The following GPAM variants were observed in gnomAD, a reference collection of about 807,000 sequenced individuals.
The protein encoded by GPAM is glycerol-3-phosphate acyltransferase 1, mitochondrial.
In GPAM, 56 loss-of-function variants were observed where a neutral mutation model predicts 105.0. The observed-to-expected ratio is 0.53, with a 90% confidence interval of 0.43 to 0.67. The LOEUF (loss-of-function observed/expected upper bound fraction) is 0.67, where lower values mean the gene tolerates loss of function less well. Among genes scored for constraint, GPAM ranks in the 30% least tolerant of loss-of-function variants. The pLI is 0.00. For synonymous variants in GPAM, 368 were observed against 354.4 expected (o/e 1.04, Z -0.43); for missense variants, 855 against 989.8 (o/e 0.86, Z 1.83).
At chr10:112,186,918 A>G (rs10749113), upstream of GPAM, among the ~76,000 whole-genome samples, 84,198 of 152,040 alleles carry the variant, frequency 0.55, 23,562 homozygotes, top group South Asian at 0.63. Flanking sequence ...GGTTTATAAC[A>G]TGTACAAATA....
At position 112,150,186 on chromosome 10, in the gene GPAM, TA is replaced by T; in HGVS notation, c.*3363del. 3.0e-6 allele frequency: 3 copies of T among 985,238 alleles called. No homozygotes were observed. Among genetic ancestry groups the T allele is most frequent in the Non-Finnish European group, 3.6e-6 (3 of 829,734 alleles). 61.0% of individuals were successfully genotyped at this position (985,238 alleles called of 1,614,324 possible). A position where few individuals can be genotyped will look rare whatever the true frequency, so the allele number is the denominator to read the frequency against. On this transcript the variant is annotated 3_prime_UTR_variant, in exon 22 of 22. Coordinates refer to ENST00000348367, the MANE Select transcript of GPAM (RefSeq NM_001244949.2). The stretch of plus-strand genomic sequence containing the variant: ...AAGTCTCAGGTTTCTAAAATAGTTT[TA>T]AAAAACAGGTTTACAGCCCATAGTA...
Position 112,171,562 on chromosome 10 carries a change from TC to T in GPAM, c.794+619del, listed in dbSNP as rs368094991. Among the ~76,000 whole-genome samples the T allele has an allele frequency of 5.9e-3, 904 of 152,272 alleles. 5 individuals are homozygous for T. Among genetic ancestry groups the T allele is most frequent in the African/African-American group, 0.021 (879 of 41,550 alleles). ...CACAGCTACCACCTCCAGTCTCTGA[TC>T]CTTCCTAATGCATCCCATATTCCCA... On this transcript the variant is annotated intron_variant, in intron 9 of 21. Coordinates refer to ENST00000348367, the MANE Select transcript of GPAM (RefSeq NM_001244949.2).
upstream of GPAM, among the ~76,000 whole-genome samples, chr10:112,215,810 A>G (rs1847961524): frequency 6.6e-6 from 1 of 152,178 alleles, no homozygotes; most frequent in Non-Finnish European, 1.5e-5. Context: ...CAGCTCACTG[A>G]CTGTGACCCT....
In GPAM at chr10:112,150,693, C is replaced by G; in HGVS notation, c.*2857G>C. The G allele has an allele frequency of 3.2e-6, 3 of 943,332 alleles. No homozygotes were observed. The highest frequency in any genetic ancestry group is 3.8e-6 in the Non-Finnish European group (3 of 791,614). 58.4% of individuals were successfully genotyped at this position (943,332 alleles called of 1,614,324 possible). A position where few individuals can be genotyped will look rare whatever the true frequency, so the allele number is the denominator to read the frequency against. On this transcript the variant is annotated 3_prime_UTR_variant, in exon 22 of 22. Coordinates refer to ENST00000348367, the MANE Select transcript of GPAM (RefSeq NM_001244949.2). ...GCTGGGTTAGACAGTTTTTCACTAC[C>G]GGATGCCAAGCCCTTACTGCGCTAA...
chr10:112,196,869 G>T (rs1012044175), intron 1 of GPAM, among the ~76,000 whole-genome samples: 1 of 152,142 alleles, frequency 6.6e-6, no homozygotes, highest in Non-Finnish European at 1.5e-5. Flanking sequence ...CTGCTTACAA[G>T]GTAACAAAAC....
intron 5 of GPAM, 36 bp from the exon 6 acceptor site, chr10:112,175,749 A>AC: frequency 7.9e-7 from 1 of 1,262,518 alleles, no homozygotes; most frequent in Non-Finnish European, 1.2e-6. Flanking sequence ...TATTAGAGGT[A>AC]CCCCTAAAAC....
chr10:112,167,575 C>T (rs1261306932), intron 11 of GPAM, among the ~76,000 whole-genome samples: 1 of 152,208 alleles, frequency 6.6e-6, no homozygotes, highest in Non-Finnish European at 1.5e-5. Context: ...GGATGAATCT[C>T]ACAAACACCT....
In GPAM at chr10:112,153,505, G is replaced by C; in HGVS notation, c.*45C>G. Reference sequence around the variant, plus strand: ...TGAGCCAGAAGCTGGTACCTACAAGGAACTCATCTCATGACCTTCATTTGC... The same window carrying C: ...TGAGCCAGAAGCTGGTACCTACAAGCAACTCATCTCATGACCTTCATTTGC... On this transcript the variant is annotated 3_prime_UTR_variant, in exon 22 of 22. Transcript: ENST00000348367. 6.2e-7 allele frequency: 1 copy of C among 1,612,544 alleles called. No homozygotes were observed. Among genetic ancestry groups the C allele is most frequent in the Non-Finnish European group, 8.5e-7 (1 of 1,179,156 alleles).
Position 112,201,356 on chromosome 10 carries a change from TG to T in GPAM, n.210+13811del, listed in dbSNP as rs533691605. ...AAGGTCAAGGTCCCACTTACACTTC[TG>T]CTCTTTCATGGTCTCAGCTTGCATC... On this transcript the variant is annotated intron_variant and non_coding_transcript_variant, in intron 1 of 3. Coordinates refer to the GPAM transcript ENST00000480130. Among the ~76,000 whole-genome samples, 304 of 152,364 alleles carry T rather than the reference TG, an allele frequency of 2.0e-3. 2 individuals carry two copies. The highest frequency in any genetic ancestry group is 3.4e-3 in the Non-Finnish European group (230 of 68,030).
chr10:112,200,778 T>C (rs1290092285), intron 1 of GPAM, among the ~76,000 whole-genome samples: 1 of 152,322 alleles, frequency 6.6e-6, no homozygotes, highest in East Asian at 1.9e-4. Flanking sequence ...GCCACAAGTA[T>C]GCAATAGTGT....
At chr10:112,218,483 G>GA (rs201613922), upstream of GPAM, among the ~76,000 whole-genome samples, 26 of 151,138 alleles carry the variant, frequency 1.7e-4, no homozygotes, top group East Asian at 2.5e-3. Flanking sequence ...GATGGTATAA[G>GA]AAAAAAAAAT....
Position 112,150,694 on chromosome 10 carries a change from G to A in GPAM, c.*2856C>T, listed in dbSNP as rs930227142. ...CTGGGTTAGACAGTTTTTCACTACC[G>A]GATGCCAAGCCCTTACTGCGCTAAA... On this transcript the variant is annotated 3_prime_UTR_variant, in exon 22 of 22. Coordinates refer to ENST00000348367, the MANE Select transcript of GPAM (RefSeq NM_001244949.2). 1.3e-5 allele frequency: 12 copies of A among 942,928 alleles called. No individual in the cohort carries two copies. Among genetic ancestry groups the A allele is most frequent in the East Asian group, 2.3e-4 (2 of 8,634 alleles). 58.4% of individuals were successfully genotyped at this position (942,928 alleles called of 1,614,324 possible).
At chr10:112,187,884 C>G (rs112038263), upstream of GPAM, among the ~76,000 whole-genome samples, 1 of 152,022 alleles carries the variant, frequency 6.6e-6, no homozygotes, top group African/African-American at 2.4e-5. Flanking sequence ...TTAGAAACCA[C>G]TAACTTAAAG....
chr10:112,191,715 C>A (rs1486136878), intron 1 of GPAM, among the ~76,000 whole-genome samples: 1 of 152,112 alleles, frequency 6.6e-6, no homozygotes, highest in African/African-American at 2.4e-5. Flanking sequence ...AAGACAAATT[C>A]TAAATGGGCC....
rs979875399 is a variant in GPAM, at chr10:112,172,152, T to C, written c.794+30A>G. On this transcript the variant is annotated intron_variant, in intron 9 of 21. Transcript: ENST00000348367. The stretch of plus-strand genomic sequence containing the variant: ...AAATTCAAAACATAATCTTTTTAAT[T>C]CCTTAAATTCCAAAATAAGCTCATC... 5 of 1,524,004 alleles carry C rather than the reference T, an allele frequency of 3.3e-6. No individual in the cohort carries two copies. In the African/African-American group the frequency reaches 5.5e-5, roughly 17 times the overall value. 94.4% of individuals were successfully genotyped at this position (1,524,004 alleles called of 1,614,324 possible).
chr10:112,191,333 A>G (rs1847656179), intron 1 of GPAM, among the ~76,000 whole-genome samples: 1 of 152,206 alleles, frequency 6.6e-6, no homozygotes, highest in Non-Finnish European at 1.5e-5. Context: ...CAGATAGGGT[A>G]CATGACAAGG....
At chr10:112,173,882 T>C (rs1345558126) in intron 6 of GPAM, 37 bp from the exon 7 acceptor site, 2 of 1,504,078 alleles carry the variant, frequency 1.3e-6, no homozygotes, top group Non-Finnish European at 1.9e-6. Context: ...ATGTAATTGT[T>C]TCTATACTAC....
In GPAM at chr10:112,160,009, G is replaced by A; in HGVS notation, c.1804C>T (p.Pro602Ser). The change falls in exon 17 of 22, where the codon CCC becomes TCC. Residue 602 changes from proline to serine, a missense_variant. Pro to Ser is a moderately conservative substitution (Grantham distance 74). Transcript: ENST00000348367. The part of the protein sequence containing the change: ...AVLNKRGLGG[P>S]TSTPPNLISQ... ...ATCAGGTTAGGTGGGGTGCTAGTGG[G>A]ACCCCCCAGTCCCCTCTTGTTCAGA... 6.2e-7 allele frequency: 1 copy of A among 1,612,574 alleles called. No homozygotes were observed. Among genetic ancestry groups the A allele is most frequent in the Non-Finnish European group, 8.5e-7 (1 of 1,178,654 alleles).
At chr10:112,187,129 G>A (rs1207229485), upstream of GPAM, among the ~76,000 whole-genome samples, 1 of 152,092 alleles carries the variant, frequency 6.6e-6, no homozygotes, top group Non-Finnish European at 1.5e-5. Flanking sequence ...AGCTTAAGTC[G>A]AATTTTTAAG....
Sources: gnomAD v4.1 joint callset for allele counts (sites outside exome capture counted in the v4.1 genomes callset) on GRCh38, gnomAD v4.1.1 for gene constraint, MANE v1.5 for transcripts, NCBI Gene and HGNC (gene_info 2026-07-23, HGNC 2026-07-21) for gene names.